Variants in EFR3A observed in about 807,000 individuals in gnomAD.
EFR3A encodes the protein protein EFR3 homolog A.
EFR3A carries 76 observed loss-of-function variants against 104.4 expected under a neutral mutation model. The observed-to-expected ratio is 0.73, with a 90% CI of 0.60 to 0.88. EFR3A has a LOEUF of 0.88. Among genes scored for constraint, EFR3A ranks in the 40% least tolerant of loss-of-function variants. The probability of loss-of-function intolerance (pLI) is 0.00; values close to 1 mark genes in which losing one functional copy is unlikely to be tolerated. For missense variants in EFR3A, 985 were observed against 1,012.5 expected (o/e 0.97, Z 0.37); for synonymous variants, 330 against 330.0 (o/e 1.00, Z 0.00).
At chr8:131,981,832 C>T (rs1472715670) in intron 14 of EFR3A, among the ~76,000 whole-genome samples, 9 of 151,854 alleles carry the variant, frequency 5.9e-5, no homozygotes, top group Admixed American at 1.3e-4. Context: ...GGCTGGAACC[C>T]CTTATACATT....
rs540773189 is a variant in EFR3A at position 131,991,741 on chromosome 8, G to C, written c.2065+4039G>C. Among the ~76,000 whole-genome samples the C allele has an allele frequency of 2.2e-4, 34 of 152,206 alleles. 1 individual carries two copies. Among genetic ancestry groups the C allele is most frequent in the Non-Finnish European group, 4.1e-4 (28 of 68,000 alleles). ...AGGAGAGGCCATGTTGGGAAGGAACGTAAAGCTCCAAAGCCGAAAGTCTCA... is the reference window on the plus strand; with the variant it reads ...AGGAGAGGCCATGTTGGGAAGGAACCTAAAGCTCCAAAGCCGAAAGTCTCA... On this transcript the variant is annotated intron_variant, in intron 18 of 22. Coordinates refer to ENST00000254624, the MANE Select transcript of EFR3A (RefSeq NM_015137.6).
At position 131,979,428 on chromosome 8, in the gene EFR3A, C is replaced by T. The variant is rs908133020; in HGVS notation, c.1575+7C>T. The T allele has an allele frequency of 1.0e-5, 16 of 1,530,376 alleles. No homozygotes were observed. The highest frequency in any genetic ancestry group is 9.8e-6 in the Non-Finnish European group (11 of 1,126,188). The allele number at this position is 1,530,376 out of a possible 1,614,324, so 94.8% of individuals were successfully genotyped here. ...CACAAGTTTCATGAAAAAGGTAAGACATCTTCTAAAAAAATAAATGTGTAG... is the reference window on the plus strand; with the variant it reads ...CACAAGTTTCATGAAAAAGGTAAGATATCTTCTAAAAAAATAAATGTGTAG... On this transcript the variant is annotated splice_region_variant and intron_variant, in intron 14 of 22. Transcript: ENST00000254624.
intron 8 of EFR3A, among the ~76,000 whole-genome samples, chr8:131,963,710 A>G (rs1281922481): frequency 6.6e-6 from 1 of 152,214 alleles, no homozygotes; most frequent in Non-Finnish European, 1.5e-5. Context: ...AATCCTCCCT[A>G]ACTCATTTTA....
Position 132,003,295 on chromosome 8 carries a change from T to C in EFR3A, c.2360+10T>C. 3 of 1,611,196 alleles carry C rather than the reference T, an allele frequency of 1.9e-6. No individual in the cohort carries two copies. Among genetic ancestry groups the C allele is most frequent in the Non-Finnish European group, 2.5e-6 (3 of 1,178,322 alleles). On this transcript the variant is annotated intron_variant, in intron 22 of 22. Coordinates refer to ENST00000254624, the MANE Select transcript of EFR3A (RefSeq NM_015137.6). Reference sequence around the variant, plus strand: ...TGGAACTCACCATACGGTAAGGGTTTTGTTATCACAATAGCAATAACACAC... The same window carrying C: ...TGGAACTCACCATACGGTAAGGGTTCTGTTATCACAATAGCAATAACACAC...
Position 131,947,069 on chromosome 8 carries a change from A to G in EFR3A, c.366+436A>G, listed in dbSNP as rs554594381. 9.2e-5 allele frequency among the ~76,000 whole-genome samples: 14 copies of G among 152,092 alleles called. No homozygotes were observed. In the East Asian group the frequency reaches 2.5e-3, roughly 27 times the overall value. ...TCTTGGGTATATACTTAGTAGTGTA[A>G]TTGCTGAGTCATGTAGTAACTGTGT... is the stretch of plus-strand genomic sequence containing the variant. On this transcript the variant is annotated intron_variant, in intron 4 of 22. Coordinates refer to ENST00000254624, the MANE Select transcript of EFR3A (RefSeq NM_015137.6).
At chr8:131,934,152 A>T (rs181301704) in intron 1 of EFR3A, among the ~76,000 whole-genome samples, 1 of 152,246 alleles carries the variant, frequency 6.6e-6, no homozygotes, top group Non-Finnish European at 1.5e-5. Flanking sequence ...TTTTGACCCC[A>T]TATCTAATTA....
At chr8:131,979,106 T>A in intron 13 of EFR3A, 87 bp downstream of exon 13, 1 of 1,321,010 alleles carries the variant, frequency 7.6e-7, no homozygotes, top group Non-Finnish European at 1.0e-6. Context: ...TTTAAAAATC[T>A]AGCATGTTCA....
intron 1 of EFR3A, among the ~76,000 whole-genome samples, chr8:131,908,406 T>A (rs1261695484): frequency 6.6e-6 from 1 of 152,120 alleles, no homozygotes; most frequent in Non-Finnish European, 1.5e-5. Context: ...TACGGTGGCT[T>A]TTTTATAGGC....
chr8:132,004,476 G>C (rs1821939481), intron 22 of EFR3A, among the ~76,000 whole-genome samples: 1 of 152,200 alleles, frequency 6.6e-6, no homozygotes, highest in African/African-American at 2.4e-5. Flanking sequence ...CTGATGATCT[G>C]AGGTGGATCA....
chr8:131,988,826 G>A (rs1821024852), intron 18 of EFR3A, among the ~76,000 whole-genome samples: 1 of 151,960 alleles, frequency 6.6e-6, no homozygotes, highest in African/African-American at 2.4e-5. Context: ...TTTAGAAAAT[G>A]GGGCCAGTGG....
intron 1 of EFR3A, among the ~76,000 whole-genome samples, chr8:131,906,781 C>A (rs1168641321): frequency 6.6e-6 from 1 of 152,214 alleles, no homozygotes; most frequent in African/African-American, 2.4e-5. Context: ...CTGAAACAAT[C>A]CTTAGGCACA....
intron 18 of EFR3A, among the ~76,000 whole-genome samples, chr8:131,991,819 G>T (rs868203493): frequency 4.6e-5 from 7 of 152,102 alleles, no homozygotes; most frequent in African/African-American, 1.7e-4. Context: ...TAGGAAGTTG[G>T]GGGGTGAGAA....
chr8:131,996,335 A>C (rs1344351230), intron 18 of EFR3A, 71 bp from the exon 19 acceptor site: 5 of 950,090 alleles, frequency 5.3e-6, no homozygotes, highest in Non-Finnish European at 7.6e-6. Flanking sequence ...ATCTGAAATA[A>C]GTAGAGTTTA....
intron 10 of EFR3A, among the ~76,000 whole-genome samples, chr8:131,974,479 T>C (rs1315601505): frequency 6.6e-6 from 1 of 152,132 alleles, no homozygotes; most frequent in Non-Finnish European, 1.5e-5. Flanking sequence ...ATGTATCTAG[T>C]TGTATGGAAG....
At chr8:131,978,002 G>A (rs1820410558) in intron 12 of EFR3A, among the ~76,000 whole-genome samples, 1 of 152,008 alleles carries the variant, frequency 6.6e-6, no homozygotes, top group Non-Finnish European at 1.5e-5. Context: ...TGTGGTATGA[G>A]GCATGGATTT....
At chr8:131,965,978 G>T (rs953227285) in intron 8 of EFR3A, among the ~76,000 whole-genome samples, 6 of 151,860 alleles carry the variant, frequency 4.0e-5, no homozygotes, top group African/African-American at 1.2e-4. Context: ...ACCAAACACC[G>T]CATGTTCTCA....
At chr8:131,967,242 T>G (rs1486548232) in intron 8 of EFR3A, among the ~76,000 whole-genome samples, 1 of 152,146 alleles carries the variant, frequency 6.6e-6, no homozygotes, top group Non-Finnish European at 1.5e-5. Flanking sequence ...CCTTGGGTGA[T>G]TTTAAAAGTA....
intron 1 of EFR3A, among the ~76,000 whole-genome samples, chr8:131,930,892 C>T (rs1457564823): frequency 5.3e-5 from 8 of 152,188 alleles, no homozygotes; most frequent in Middle Eastern, 6.8e-3. Flanking sequence ...GATGATCTTA[C>T]GAGGTGCAGC....
intron 18 of EFR3A, among the ~76,000 whole-genome samples, chr8:131,991,866 A>G (rs1202783768): frequency 2.6e-4 from 40 of 152,180 alleles, no homozygotes; most frequent in Non-Finnish European, 7.4e-5. Flanking sequence ...GAAAGGTGGC[A>G]CAAATTGCTG....
Sources: gnomAD v4.1 joint callset for allele counts (sites outside exome capture counted in the v4.1 genomes callset) on GRCh38, gnomAD v4.1.1 for gene constraint, MANE v1.5 for transcripts, NCBI Gene and HGNC (gene_info 2026-07-23, HGNC 2026-07-21) for gene names.